GULP1: variants seen among roughly 807,000 people sequenced by gnomAD.
GULP1 encodes the protein GULP PTB domain containing engulfment adaptor 1, also known as PTB domain-containing engulfment adapter protein 1.
In GULP1, 19 loss-of-function variants were observed where a neutral mutation model predicts 40.9. The observed-to-expected ratio is 0.46, with a 90% CI of 0.32 to 0.68. The LOEUF is 0.68. Among genes scored for constraint, GULP1 ranks in the 30% least tolerant of loss-of-function variants. GULP1 has a pLI of 0.03. For missense variants in GULP1, 312 were observed against 362.2 expected, an observed-to-expected ratio of 0.86 and a Z score of 1.12; for synonymous variants, 119 against 117.6, an observed-to-expected ratio of 1.01 and a Z score of -0.08.
intron 9 of GULP1, among the ~76,000 whole-genome samples, chr2:188,580,280 G>A (rs1167021210): frequency 2.6e-5 from 4 of 152,164 alleles, no homozygotes; most frequent in Admixed American, 2.6e-4. Flanking sequence ...AAGGCCGGGC[G>A]CGGTGGCTCA....
chr2:188,511,785 C>T (rs999170178), intron 4 of GULP1, among the ~76,000 whole-genome samples: 13 of 152,094 alleles, frequency 8.5e-5, no homozygotes, highest in Admixed American at 3.9e-4. Context: ...AAATGAGGAA[C>T]AAATATTAAA....
chr2:188,406,814 A>G (rs1379512132), intron 2 of GULP1, among the ~76,000 whole-genome samples: 1 of 152,134 alleles, frequency 6.6e-6, no homozygotes, highest in Non-Finnish European at 1.5e-5. Context: ...ATAAGAGAAC[A>G]TTTAAAGAAA....
intron 1 of GULP1, among the ~76,000 whole-genome samples, chr2:188,352,183 T>C (rs1273064221): frequency 6.6e-6 from 1 of 152,176 alleles, no homozygotes; most frequent in Non-Finnish European, 1.5e-5. Context: ...TCTGGATGTT[T>C]CTGTGAGGGT....
In GULP1 at chr2:188,335,579, G is replaced by A. The variant is rs147195477; in HGVS notation, c.-172+43413G>A. On this transcript the variant is annotated intron_variant, in intron 1 of 11. Transcript: ENST00000409830. ...ATACATCACATTGCTGCAAATTTTC[G>A]TTTTCTCTGTTTCTGTCATTAACTA... Among the ~76,000 whole-genome samples the A allele has an allele frequency of 3.8e-3, 572 of 152,106 alleles. 1 individual carries two copies. Among genetic ancestry groups the A allele is most frequent in the Admixed American group, 6.5e-3 (99 of 15,274 alleles).
Position 188,522,811 on chromosome 2 carries a change from C to T in GULP1, c.146C>T (p.Ala49Val). The change falls in exon 5 of 12, where the codon GCT becomes GTT. Residue 49 changes from alanine to valine, a missense_variant. Coordinates refer to ENST00000409830, the MANE Select transcript of GULP1 (RefSeq NM_016315.4). ...AAAGGAACAGAAGTTGTGAGAGATG[C>T]TGTAAGGAAACTAAAGGTAGGGAAA... ...QPKGTEVVRD[A>V]VRKLKFARHI... 6.2e-7 allele frequency: 1 copy of T among 1,607,390 alleles called. No homozygotes were observed. Among genetic ancestry groups the T allele is most frequent in the Non-Finnish European group, 8.5e-7 (1 of 1,174,292 alleles).
At chr2:188,555,944 G>A (rs1351930796) in intron 7 of GULP1, among the ~76,000 whole-genome samples, 1 of 151,864 alleles carries the variant, frequency 6.6e-6, no homozygotes, top group African/African-American at 2.4e-5. Context: ...TGTAATCCCA[G>A]CTACTTGGGA....
intron 2 of GULP1, among the ~76,000 whole-genome samples, chr2:188,447,893 T>G (rs2152902542): frequency 6.6e-6 from 1 of 152,300 alleles, no homozygotes; most frequent in African/African-American, 2.4e-5. Flanking sequence ...CACTGTACGT[T>G]TTTTGAGAGA....
intron 1 of GULP1, among the ~76,000 whole-genome samples, chr2:188,299,162 AGAGCAGGTGACTAAGGAGG>A (rs1225936303): frequency 7.1e-6 from 1 of 139,916 alleles, no homozygotes; most frequent in Non-Finnish European, 1.6e-5. Flanking sequence ...GACTAAGGAC[AGAGCAGGTGACTAAGGAGG>A]GAGCAGGTGA....
At chr2:188,395,115 A>G (rs1274841473) in intron 2 of GULP1, among the ~76,000 whole-genome samples, 1 of 152,146 alleles carries the variant, frequency 6.6e-6, no homozygotes, top group African/African-American at 2.4e-5. Context: ...CAGCCTTGAC[A>G]GAGGCAGGTG....
At chr2:188,445,402 T>C (rs1004362634) in intron 2 of GULP1, among the ~76,000 whole-genome samples, 2 of 152,092 alleles carry the variant, frequency 1.3e-5, no homozygotes, top group Non-Finnish European at 2.9e-5. Flanking sequence ...GGCTTATGAG[T>C]GACTAAAGCA....
chr2:188,530,708 A>G (rs965347010), intron 6 of GULP1, among the ~76,000 whole-genome samples: 1 of 152,204 alleles, frequency 6.6e-6, no homozygotes, highest in Non-Finnish European at 1.5e-5. Flanking sequence ...TAACCTGCAG[A>G]ACTGTGAGAA....
intron 1 of GULP1, among the ~76,000 whole-genome samples, chr2:188,337,641 G>C (rs927571836): frequency 1.3e-5 from 2 of 151,876 alleles, no homozygotes; most frequent in Admixed American, 6.6e-5. Context: ...GTTGTACCCA[G>C]ATCTTGGTTA....
At chr2:188,589,675 C>T (rs1703124888) in intron 11 of GULP1, 3 of 835,750 alleles carry the variant, frequency 3.6e-6, no homozygotes, top group South Asian at 2.2e-5. Flanking sequence ...GGTGTTTTTG[C>T]TTTTGCTGTT....
intron 1 of GULP1, among the ~76,000 whole-genome samples, chr2:188,338,348 AGCTCACTGCAGTCTCCATCTCCCAGG>A (rs937352345): frequency 2.7e-5 from 4 of 150,370 alleles, no homozygotes; most frequent in African/African-American, 4.9e-5. Context: ...GTGAGACCAG[AGCTCACTGCAGTCTCCATCTCCCAGG>A]GCTCACTGCA....
At chr2:188,480,836 A>T (rs982026172) in intron 3 of GULP1, among the ~76,000 whole-genome samples, 3 of 151,944 alleles carry the variant, frequency 2.0e-5, no homozygotes, top group Non-Finnish European at 4.4e-5. Context: ...TTGACATACT[A>T]TTGAGTAGAT....
chr2:188,301,279 C>A (rs548295039), intron 1 of GULP1, among the ~76,000 whole-genome samples: 8 of 152,316 alleles, frequency 5.3e-5, no homozygotes, highest in South Asian at 2.1e-4. Context: ...TGGCTTTGAC[C>A]TGCCAATGTG....
chr2:188,387,731 A>C (rs140703217), intron 2 of GULP1, among the ~76,000 whole-genome samples: 282 of 152,230 alleles, frequency 1.9e-3, no homozygotes, highest in African/African-American at 6.7e-3. Flanking sequence ...AATTGGAAAG[A>C]GAGATTAGAT....
At chr2:188,417,652 T>C in intron 2 of GULP1, among the ~76,000 whole-genome samples, 1 of 152,218 alleles carries the variant, frequency 6.6e-6, no homozygotes, top group East Asian at 1.9e-4. Context: ...AATGGAATTT[T>C]GACTGCATGG....
At chr2:188,330,616 T>C (rs2152041599) in intron 1 of GULP1, among the ~76,000 whole-genome samples, 1 of 152,336 alleles carries the variant, frequency 6.6e-6, no homozygotes, top group East Asian at 1.9e-4. Context: ...TGTCTAACTT[T>C]TAGTATTTTG....
Sources: allele counts gnomAD v4.1 joint callset (sites outside exome capture counted in the v4.1 genomes callset), GRCh38; gene constraint gnomAD v4.1.1; transcripts MANE v1.5; gene names NCBI Gene and HGNC (gene_info 2026-07-23, HGNC 2026-07-21).